The following SOS1 variants were observed in gnomAD, a reference collection of about 807,000 sequenced individuals.
SOS1 encodes the protein son of sevenless homolog 1.
In SOS1, 25 loss-of-function variants were observed where a neutral mutation model predicts 157.6. The observed-to-expected ratio is 0.16, with a 90% CI of 0.12 to 0.22. The LOEUF (loss-of-function observed/expected upper bound fraction) is 0.22, where lower values mean the gene tolerates loss of function less well. SOS1 is among the 10% of genes least tolerant of loss of function. The pLI is 1.00. For synonymous variants in SOS1, 528 were observed against 534.0 expected (o/e 0.99, Z 0.16); for missense variants, 1,237 against 1,599.1 (o/e 0.77, Z 3.86).
intron 1 of SOS1, among the ~76,000 whole-genome samples, chr2:39,117,081 T>C (rs1673679110): frequency 6.6e-6 from 1 of 150,844 alleles, no homozygotes; most frequent in Non-Finnish European, 1.5e-5. Flanking sequence ...CAGGTTGGAG[T>C]GCAGTGGTGC....
intron 1 of SOS1, chr2:39,098,107 A>C (rs1161140434): frequency 2.0e-5 from 3 of 152,978 alleles, no homozygotes; most frequent in African/African-American, 7.2e-5. Context: ...AGAATTACAG[A>C]ATGGGCAGCT....
At chr2:39,048,385 A>C (rs1449306333) in intron 6 of SOS1, among the ~76,000 whole-genome samples, 2 of 151,976 alleles carry the variant, frequency 1.3e-5, no homozygotes, top group Non-Finnish European at 2.9e-5. Context: ...ATTTTGTCTT[A>C]ACAGCTTTTA....
rs578234098 is a variant in SOS1, at chr2:39,072,939, A to C, written c.88-5186T>G. Among the ~76,000 whole-genome samples, 3 of 152,320 alleles carry C rather than the reference A, an allele frequency of 2.0e-5. No homozygotes were observed. In the East Asian group the frequency reaches 5.8e-4, roughly 29 times the overall value. On this transcript the variant is annotated intron_variant, in intron 1 of 22. Transcript: ENST00000402219. The stretch of plus-strand genomic sequence containing the variant: ...TGGTCCATACTTAAAACGCAAGCAG[A>C]GTACCAACTCCTAAAAATACACAGG...
intron 1 of SOS1, among the ~76,000 whole-genome samples, chr2:39,101,083 A>C (rs1672949336): frequency 6.6e-6 from 1 of 152,220 alleles, no homozygotes; most frequent in African/African-American, 2.4e-5. Flanking sequence ...GCTGTACAAG[A>C]AGCGTGCCGC....
chr2:38,989,153 TGCAA>T (rs1427565079), intron 21 of SOS1, 113 bp downstream of exon 21: 20 of 730,046 alleles, frequency 2.7e-5, no homozygotes, highest in Non-Finnish European at 4.8e-5. Flanking sequence ...TCTAGGATGT[TGCAA>T]GCAAGGTACC....
chr2:39,047,003 C>T (rs899084679), intron 6 of SOS1, among the ~76,000 whole-genome samples: 2 of 152,178 alleles, frequency 1.3e-5, no homozygotes, highest in African/African-American at 4.8e-5. Flanking sequence ...AATAACTTTA[C>T]ATAAAGTCTG....
At chr2:39,044,122 C>T (rs760560335) in intron 6 of SOS1, among the ~76,000 whole-genome samples, 5 of 152,058 alleles carry the variant, frequency 3.3e-5, no homozygotes, top group Non-Finnish European at 7.4e-5. Context: ...TTTGGGAGGC[C>T]GAGGCAGGTA....
Position 39,113,036 on chromosome 2 carries a change from CA to C in SOS1, c.87+7299del, listed in dbSNP as rs543968368. 1.6e-3 allele frequency among the ~76,000 whole-genome samples: 214 copies of C among 131,412 alleles called. 1 individual carries two copies. The highest frequency in any genetic ancestry group is 3.8e-3 in the Middle Eastern group (1 of 262). 86.2% of individuals were successfully genotyped at this position (131,412 alleles called of 152,430 possible). On this transcript the variant is annotated intron_variant, in intron 1 of 22. Coordinates refer to ENST00000402219, the MANE Select transcript of SOS1 (RefSeq NM_005633.4). ...GGGCGACAAGAGCAAGACTCTGTCT[CA>C]AAAAAAAAAAAGAAAAGAAAAGAAA...
chr2:39,029,869 A>G (rs943613277), intron 8 of SOS1, among the ~76,000 whole-genome samples: 3 of 151,490 alleles, frequency 2.0e-5, no homozygotes, highest in Non-Finnish European at 2.9e-5. Context: ...ACTAGAGAGA[A>G]CCTCCATTGA....
intron 14 of SOS1, among the ~76,000 whole-genome samples, chr2:39,010,982 GC>G (rs1669449472): frequency 7.0e-6 from 1 of 142,434 alleles, no homozygotes; most frequent in Non-Finnish European, 1.5e-5. Flanking sequence ...TGCAACCTCC[GC>G]CTCCCAGGTT....
rs397517154 is a variant in SOS1, at chr2:39,022,773, C to A, written c.1655G>T (p.Arg552Met). ...CTGTAGCATTGTTACATCAAGCATCCTTTCCAGTGTACTCCGGTACTGTAA... is the reference window on the plus strand; with the variant it reads ...CTGTAGCATTGTTACATCAAGCATCATTTCCAGTGTACTCCGGTACTGTAA... ...ISLQYRSTLERMLDVTMLQEE... is the reference protein window; with the variant it reads ...ISLQYRSTLEMMLDVTMLQEE... The change falls in exon 10 of 23, where the codon AGG becomes ATG. Residue 552 changes from arginine (R) to methionine (M), a missense_variant. Coordinates refer to ENST00000402219, the MANE Select transcript of SOS1 (RefSeq NM_005633.4). 2 of 1,613,738 alleles carry A rather than the reference C, an allele frequency of 1.2e-6. No individual in the cohort carries two copies. Among genetic ancestry groups the A allele is most frequent in the Non-Finnish European group, 1.7e-6 (2 of 1,179,724 alleles).
At chr2:38,987,855 A>G (rs1170603206) in intron 21 of SOS1, 2 of 387,314 alleles carry the variant, frequency 5.2e-6, no homozygotes, top group Non-Finnish European at 9.5e-6. Context: ...TCCCATGGTT[A>G]CTCTATTATT....
chr2:39,093,065 C>G (rs1672647324), intron 1 of SOS1, among the ~76,000 whole-genome samples: 1 of 152,150 alleles, frequency 6.6e-6, no homozygotes, highest in African/African-American at 2.4e-5. Context: ...GTTATTAATA[C>G]TACAGAAATA....
Position 39,014,836 on chromosome 2 carries a change from A to C in SOS1, c.1869T>G (p.Phe623Leu), listed in dbSNP as rs1168794388. The change falls in exon 11 of 23, where the codon TTT becomes TTG. Residue 623 changes from phenylalanine (F) to leucine (L), a missense_variant. This residue lies in a region of SOS1 where 22 missense variants were observed against 46.3 expected (regional missense o/e 0.48). Coordinates refer to ENST00000402219, the MANE Select transcript of SOS1 (RefSeq NM_005633.4). ...LTYHMYADPN[F>L]VRTFLTTYRS... ...TGTATGTTGTAAGAAATGTCCGAACAAAATTGGGATCTAAGAAGAAAAAGG... is the reference window on the plus strand; with the variant it reads ...TGTATGTTGTAAGAAATGTCCGAACCAAATTGGGATCTAAGAAGAAAAAGG... 6.3e-7 allele frequency: 1 copy of C among 1,587,952 alleles called. No individual in the cohort carries two copies. The highest frequency in any genetic ancestry group is 8.6e-7 in the Non-Finnish European group (1 of 1,156,694).
At chr2:39,051,750 T>C (rs1382676862) in intron 5 of SOS1, among the ~76,000 whole-genome samples, 1 of 152,184 alleles carries the variant, frequency 6.6e-6, no homozygotes, top group Non-Finnish European at 1.5e-5. Context: ...ATGGCAATGT[T>C]TTACATTTGC....
At chr2:39,082,256 T>C (rs1672229196) in intron 1 of SOS1, among the ~76,000 whole-genome samples, 1 of 152,186 alleles carries the variant, frequency 6.6e-6, no homozygotes, top group Admixed American at 6.5e-5. Context: ...ATTATTAATA[T>C]TTAATTCATA....
At chr2:39,084,323 A>G (rs1184351745) in intron 1 of SOS1, among the ~76,000 whole-genome samples, 2 of 152,194 alleles carry the variant, frequency 1.3e-5, no homozygotes, top group African/African-American at 4.8e-5. Flanking sequence ...AAACTCATTA[A>G]AAAATGTAAA....
intron 6 of SOS1, among the ~76,000 whole-genome samples, chr2:39,037,129 T>G (rs1670384800): frequency 6.6e-6 from 1 of 152,238 alleles, no homozygotes; most frequent in African/African-American, 2.4e-5. Context: ...AATTTTTAAC[T>G]CCTTCAACTT....
At position 38,985,248 on chromosome 2, in the gene SOS1, G is replaced by C. The variant is rs1668517271; in HGVS notation, c.*576C>G. On this transcript the variant is annotated 3_prime_UTR_variant, in exon 23 of 23. Coordinates refer to ENST00000402219, the MANE Select transcript of SOS1 (RefSeq NM_005633.4). ...TTGGTGAAGCCTCGGTACCCATTCA[G>C]TTCACCGTAATAATCTGTAAACAGG... 6.4e-6 allele frequency: 1 copy of C among 155,128 alleles called. No homozygotes were observed. Among genetic ancestry groups the C allele is most frequent in the South Asian group, 2.0e-4 (1 of 5,048 alleles). 9.6% of individuals were successfully genotyped at this position (155,128 alleles called of 1,614,324 possible).
Sources: gnomAD v4.1 joint callset for allele counts (sites outside exome capture counted in the v4.1 genomes callset) on GRCh38, gnomAD v4.1.1 for gene constraint, gnomAD v4.1.1 regional missense constraint, MANE v1.5 for transcripts, NCBI Gene and HGNC (gene_info 2026-07-23, HGNC 2026-07-21) for gene names.